The following KPNA3 variants were observed in gnomAD, a reference collection of about 807,000 sequenced individuals.
KPNA3 encodes importin subunit alpha-4.
KPNA3 carries 13 observed loss-of-function variants against 73.8 expected under a neutral mutation model. The observed-to-expected ratio is 0.18, with a 90% CI of 0.11 to 0.28. The LOEUF is 0.28. Among genes scored for constraint, KPNA3 ranks in the 10% least tolerant of loss-of-function variants. The probability of loss-of-function intolerance (pLI) is 1.00; values close to 1 mark genes in which losing one functional copy is unlikely to be tolerated. For missense variants in KPNA3, 360 were observed against 618.1 expected (o/e 0.58, Z 4.43); for synonymous variants, 186 against 206.9 (o/e 0.90, Z 0.87).
chr13:49,728,864 A>C (rs1412755139), intron 6 of KPNA3, among the ~76,000 whole-genome samples: 1 of 152,224 alleles, frequency 6.6e-6, no homozygotes, highest in Non-Finnish European at 1.5e-5. Flanking sequence ...ATTTTGCAAG[A>C]GAATCAATAG....
At chr13:49,704,098 C>T (rs1446554383) in intron 15 of KPNA3, among the ~76,000 whole-genome samples, 1 of 152,122 alleles carries the variant, frequency 6.6e-6, no homozygotes, top group African/African-American at 2.4e-5. Flanking sequence ...GGACAAGACT[C>T]CTTAAAATCT....
At chr13:49,776,699 A>G (rs1954900710) in intron 1 of KPNA3, among the ~76,000 whole-genome samples, 1 of 152,220 alleles carries the variant, frequency 6.6e-6, no homozygotes. Flanking sequence ...CATTCCCAAA[A>G]TATTTATTGA....
At chr13:49,702,268 T>C (rs1417236392) in intron 16 of KPNA3, 118 bp downstream of exon 16, 13 of 638,810 alleles carry the variant, frequency 2.0e-5, no homozygotes, top group Non-Finnish European at 3.0e-5. Context: ...GAATGTCTAA[T>C]AGAAATACAG....
intron 2 of KPNA3, among the ~76,000 whole-genome samples, chr13:49,734,842 T>C (rs984160682): frequency 1.3e-5 from 2 of 151,936 alleles, no homozygotes; most frequent in Admixed American, 1.3e-4. Flanking sequence ...TAAGAAAATC[T>C]CCCACAATGA....
At chr13:49,760,926 T>A (rs1042153867) in intron 1 of KPNA3, among the ~76,000 whole-genome samples, 3 of 152,172 alleles carry the variant, frequency 2.0e-5, no homozygotes, top group Non-Finnish European at 4.4e-5. Flanking sequence ...GTCTTCGGAT[T>A]CCAGGACTTG....
At chr13:49,717,442 A>AAG (rs1192303367) in intron 10 of KPNA3, among the ~76,000 whole-genome samples, 3 of 149,790 alleles carry the variant, frequency 2.0e-5, no homozygotes, top group Non-Finnish European at 4.5e-5. Context: ...AAAAAAAAGA[A>AAG]AAAAAAAAAA....
At chr13:49,733,282 GTTTTTTTT>G (rs760449062) in intron 2 of KPNA3, among the ~76,000 whole-genome samples, 23 of 100,914 alleles carry the variant, frequency 2.3e-4, no homozygotes, top group Admixed American at 9.5e-4. Context: ...CCACTGTGGT[GTTTTTTTT>G]TTTTTTTTTT....
At chr13:49,736,787 AAC>A (rs57077594) in intron 2 of KPNA3, among the ~76,000 whole-genome samples, 3,062 of 152,256 alleles carry the variant, frequency 0.02, 40 homozygotes, top group South Asian at 0.03. Context: ...CACTTCCAAA[AAC>A]ACAAGATGCA....
rs1025068418 is a variant in KPNA3, at chr13:49,726,105, C to T, written c.384-604G>A. 2.6e-5 allele frequency among the ~76,000 whole-genome samples: 4 copies of T among 152,334 alleles called. No individual in the cohort carries two copies. The East Asian group carries it at 5.8e-4, about 22-fold the overall frequency. On this transcript the variant is annotated intron_variant, in intron 6 of 16. Coordinates refer to ENST00000261667, the MANE Select transcript of KPNA3 (RefSeq NM_002267.4). ...TCAATATATCATGTCGATTTTACCT[C>T]TTAAACATTTCTTACATTTATATAA... is the stretch of plus-strand genomic sequence containing the variant.
At position 49,792,607 on chromosome 13, in the gene KPNA3, A is replaced by AGGGGGAGAGCGGGAGGGGGGAG. The variant is rs201124891; in HGVS notation, c.-102_-101insCTCCCCCCTCCCGCTCTCCCCC. 1.1e-5 allele frequency: 2 copies of AGGGGGAGAGCGGGAGGGGGGAG among 182,762 alleles called. No homozygotes were observed. Among genetic ancestry groups the AGGGGGAGAGCGGGAGGGGGGAG allele is most frequent in the Non-Finnish European group, 2.1e-5 (2 of 93,152 alleles). 11.3% of individuals were successfully genotyped at this position (182,762 alleles called of 1,614,324 possible). On this transcript the variant is annotated 5_prime_UTR_variant, in exon 1 of 17. Coordinates refer to ENST00000261667, the MANE Select transcript of KPNA3 (RefSeq NM_002267.4). ...GAGGAGGGGGAGAGCGGGAGGGGGG[A>AGGGGGAGAGCGGGAGGGGGGAG]GGGGAGAGAAGAGCACGTTCTGTGA... is the stretch of plus-strand genomic sequence containing the variant.
At chr13:49,754,844 T>C (rs1486917191) in intron 1 of KPNA3, among the ~76,000 whole-genome samples, 1 of 152,132 alleles carries the variant, frequency 6.6e-6, no homozygotes, top group Non-Finnish European at 1.5e-5. Flanking sequence ...AAATACCTAA[T>C]TTGAATAACG....
chr13:49,707,998 CTTTT>C (rs67141719), intron 12 of KPNA3, among the ~76,000 whole-genome samples: 6 of 121,730 alleles, frequency 4.9e-5, no homozygotes, highest in East Asian at 2.5e-4. Context: ...TTCTTTTTTC[CTTTT>C]TTTTTTTTTT....
intron 6 of KPNA3, among the ~76,000 whole-genome samples, chr13:49,726,866 T>C (rs1954414846): frequency 6.6e-6 from 1 of 151,886 alleles, no homozygotes; most frequent in Non-Finnish European, 1.5e-5. Flanking sequence ...GATGGGGGGA[T>C]TGCTTGAGCC....
chr13:49,705,921 C>A, intron 14 of KPNA3, 138 bp from the exon 15 acceptor site: 1 of 971,642 alleles, frequency 1.0e-6, no homozygotes, highest in Non-Finnish European at 1.5e-6. Context: ...TATGGTCATG[C>A]CTGTGAATAG....
Position 49,704,122 on chromosome 13 carries a change from T to C in KPNA3, c.1372+1499A>G, listed in dbSNP as rs1366043918. Among the ~76,000 whole-genome samples the C allele has an allele frequency of 9.2e-5, 14 of 152,262 alleles. No homozygotes were observed. In the East Asian group the frequency reaches 2.3e-3, roughly 25 times the overall value. On this transcript the variant is annotated intron_variant, in intron 15 of 16. Transcript: ENST00000261667. The stretch of plus-strand genomic sequence containing the variant: ...TCCTTAAAATCTGTGGGATAATTTC[T>C]TCTCAAGAAACCCTCCCGGCTGGGT...
intron 1 of KPNA3, among the ~76,000 whole-genome samples, chr13:49,762,319 G>C (rs1178827731): frequency 1.1e-4 from 17 of 152,238 alleles, no homozygotes; most frequent in Non-Finnish European, 1.5e-5. Context: ...CCCCTGCTGG[G>C]AAGTGAGGAG....
intron 10 of KPNA3, among the ~76,000 whole-genome samples, chr13:49,712,963 T>G (rs79539896): frequency 0.015 from 2,181 of 148,284 alleles, 56 homozygotes; most frequent in African/African-American, 0.051. Context: ...TGGGCCTAAC[T>G]AACCTATTAA....
chr13:49,784,123 C>T (rs1412341395), intron 1 of KPNA3, among the ~76,000 whole-genome samples: 1 of 152,114 alleles, frequency 6.6e-6, no homozygotes. Context: ...GTAGTGTGCA[C>T]CTGTAGTCCT....
chr13:49,736,810 T>C (rs1954526336), intron 2 of KPNA3, among the ~76,000 whole-genome samples: 1 of 152,214 alleles, frequency 6.6e-6, no homozygotes, highest in African/African-American at 2.4e-5. Flanking sequence ...TTCCTCCTTT[T>C]ATAAGCAAAA....
Sources: allele counts gnomAD v4.1 joint callset (sites outside exome capture counted in the v4.1 genomes callset), GRCh38; gene constraint gnomAD v4.1.1; transcripts MANE v1.5; gene names NCBI Gene and HGNC (gene_info 2026-07-23, HGNC 2026-07-21).